SESN2: variants seen among roughly 807,000 people sequenced by gnomAD.
SESN2 encodes sestrin-2.
A neutral mutation model predicts 56.0 loss-of-function variants in SESN2; 42 were observed. That is an observed-to-expected ratio of 0.75 (90% CI 0.59 to 0.97). The LOEUF (loss-of-function observed/expected upper bound fraction) is 0.97, where lower values mean the gene tolerates loss of function less well. Among genes scored for constraint, SESN2 ranks in the 50% least tolerant of loss-of-function variants. The probability of loss-of-function intolerance (pLI) is 0.00; values close to 1 mark genes in which losing one functional copy is unlikely to be tolerated. For missense variants in SESN2, 507 were observed against 649.4 expected (o/e 0.78, Z 2.38); for synonymous variants, 264 against 267.1 (o/e 0.99, Z 0.11).
chr1:28,279,363 G>GCCTATTCCTCTGGATTGAAGT (rs1648157304), intron 9 of SESN2, 122 bp downstream of exon 9: 1 of 938,348 alleles, frequency 1.1e-6, no homozygotes, highest in Non-Finnish European at 1.6e-6. Flanking sequence ...GGACACCTGG[G>GCCTATTCCTCTGGATTGAAGT]CCTATTCCTC....
At chr1:28,272,891 C>G in intron 5 of SESN2, 98 bp downstream of exon 5, 1 of 670,590 alleles carries the variant, frequency 1.5e-6, no homozygotes, top group Non-Finnish European at 2.6e-6. Flanking sequence ...TCTGCACTAC[C>G]TGCTGCTATG....
intron 2 of SESN2, among the ~76,000 whole-genome samples, chr1:28,269,825 A>G (rs1647695037): frequency 1.3e-5 from 2 of 152,222 alleles, no homozygotes; most frequent in Non-Finnish European, 2.9e-5. Context: ...GACATCTTTC[A>G]TCTACTGAGT....
At chr1:28,261,969 CAG>C (rs1647389240) in intron 1 of SESN2, among the ~76,000 whole-genome samples, 3 of 152,140 alleles carry the variant, frequency 2.0e-5, no homozygotes, top group African/African-American at 4.8e-5. Flanking sequence ...TCAGTAGAAA[CAG>C]AGTTTCAGCA....
intron 1 of SESN2, among the ~76,000 whole-genome samples, chr1:28,261,450 T>G (rs1647372588): frequency 1.3e-5 from 2 of 152,230 alleles, no homozygotes; most frequent in Admixed American, 1.3e-4. Flanking sequence ...CTGTGGTTTC[T>G]TCCCATGGGG....
intron 2 of SESN2, 79 bp from the exon 3 acceptor site, chr1:28,271,595 C>T (rs1316288709): frequency 8.8e-7 from 1 of 1,137,110 alleles, no homozygotes. Flanking sequence ...CCATTAAAAA[C>T]CCACTGGAAG....
At chr1:28,264,063 TAAA>T (rs747016677) in intron 1 of SESN2, among the ~76,000 whole-genome samples, 6 of 107,732 alleles carry the variant, frequency 5.6e-5, no homozygotes, top group South Asian at 6.0e-4. Flanking sequence ...CATCTCTATT[TAAA>T]AAAAAAAAAA....
At chr1:28,277,531 A>G (rs1648094801) in intron 8 of SESN2, among the ~76,000 whole-genome samples, 1 of 151,976 alleles carries the variant, frequency 6.6e-6, no homozygotes, top group Non-Finnish European at 1.5e-5. Context: ...CTTTTTTTCT[A>G]TGCACAAGTA....
rs780469256 is a variant in SESN2, at chr1:28,279,269, G to A, written c.1356+28G>A. 1.9e-6 allele frequency: 3 copies of A among 1,612,962 alleles called. No homozygotes were observed. In the South Asian group the frequency reaches 3.3e-5, roughly 18 times the overall value. On this transcript the variant is annotated intron_variant, in intron 9 of 9. Coordinates refer to ENST00000253063, the MANE Select transcript of SESN2 (RefSeq NM_031459.5). ...ATGACCTATACAGGCAGGGCAGGAT[G>A]GAAGTAGACAGGCCAAGCCAGTGGA...
At chr1:28,274,734 G>A in intron 7 of SESN2, 91 bp from the exon 8 acceptor site, 1 of 1,007,184 alleles carries the variant, frequency 9.9e-7, no homozygotes, top group South Asian at 1.5e-5. Context: ...CCAGGAAGGA[G>A]AATCATGGAG....
In SESN2 at chr1:28,280,766, G is replaced by T. The variant is rs201438239; in HGVS notation, c.1407G>T (p.Leu469=). ...LLEARMQAAL[L]YALRAITRYM... Reference sequence around the variant, plus strand: ...AGGCGCGCATGCAAGCCGCTCTGCTGTACGCCCTCCGTGCCATCACCCGCT... The same window carrying T: ...AGGCGCGCATGCAAGCCGCTCTGCTTTACGCCCTCCGTGCCATCACCCGCT... The change falls in exon 10 of 10, where the codon CTG becomes CTT. Residue 469 remains leucine, a synonymous_variant. Coordinates refer to ENST00000253063, the MANE Select transcript of SESN2 (RefSeq NM_031459.5). The T allele has an allele frequency of 3.7e-6, 6 of 1,613,700 alleles. No individual in the cohort carries two copies. The highest frequency in any genetic ancestry group is 1.1e-5 in the South Asian group (1 of 91,086).
intron 8 of SESN2, among the ~76,000 whole-genome samples, chr1:28,278,623 T>A (rs1444794398): frequency 6.6e-6 from 1 of 152,208 alleles, no homozygotes; most frequent in Admixed American, 6.5e-5. Flanking sequence ...CTAAGCTTTC[T>A]GCAACTCTGA....
At chr1:28,270,291 C>G (rs370812895) in intron 2 of SESN2, among the ~76,000 whole-genome samples, 3 of 150,798 alleles carry the variant, frequency 2.0e-5, no homozygotes, top group African/African-American at 7.3e-5. Flanking sequence ...GCGGAGCTTG[C>G]AGTGAGCCGA....
intron 1 of SESN2, among the ~76,000 whole-genome samples, chr1:28,266,556 CTT>C (rs71586835): frequency 5.8e-4 from 68 of 116,980 alleles, no homozygotes; most frequent in African/African-American, 1.5e-3. Flanking sequence ...AGAGCCCCAT[CTT>C]TTTTTTTTTT....
In SESN2 at chr1:28,271,670, GC is replaced by G. The variant is rs1557733150; in HGVS notation, c.157-3del. 3 of 1,613,656 alleles carry G rather than the reference GC, an allele frequency of 1.9e-6. No homozygotes were observed. The highest frequency in any genetic ancestry group is 2.5e-6 in the Non-Finnish European group (3 of 1,179,656). The stretch of plus-strand genomic sequence containing the variant: ...CCCATGCTCTCCTCCCCTTTGGTTG[GC>G]AGGTCCTTCGGGAGGGGGCTGAGAG... On this transcript the variant is annotated splice_polypyrimidine_tract_variant and splice_region_variant and intron_variant, in intron 2 of 9. Transcript: ENST00000253063.
Position 28,259,780 on chromosome 1 carries a change from G to A in SESN2, c.-68G>A. The stretch of plus-strand genomic sequence containing the variant: ...GGCGCCCAGTCCCGGCTTCATTCGG[G>A]CGTCCCTCCGAAACCCACTCGGGTG... On this transcript the variant is annotated 5_prime_UTR_variant, in exon 1 of 10. Transcript: ENST00000253063. 2 of 1,211,506 alleles carry A rather than the reference G, an allele frequency of 1.7e-6. No homozygotes were observed. Among genetic ancestry groups the A allele is most frequent in the Non-Finnish European group, 2.2e-6 (2 of 926,702 alleles). 75.0% of individuals were successfully genotyped at this position (1,211,506 alleles called of 1,614,324 possible). A position where few individuals can be genotyped will look rare whatever the true frequency, so the allele number is the denominator to read the frequency against.
At chr1:28,280,378 T>G (rs1648190976) in intron 9 of SESN2, among the ~76,000 whole-genome samples, 1 of 152,236 alleles carries the variant, frequency 6.6e-6, no homozygotes, top group African/African-American at 2.4e-5. Flanking sequence ...AGCTAACTTT[T>G]TGTATTTTTA....
intron 9 of SESN2, among the ~76,000 whole-genome samples, chr1:28,280,103 T>G (rs1648182724): frequency 6.6e-6 from 1 of 151,950 alleles, no homozygotes; most frequent in Non-Finnish European, 1.5e-5. Flanking sequence ...CTCTCAAAGT[T>G]TTTTGTTTTT....
intron 8 of SESN2, among the ~76,000 whole-genome samples, chr1:28,275,895 A>C (rs1572097884): frequency 6.6e-6 from 1 of 152,198 alleles, no homozygotes; most frequent in East Asian, 1.9e-4. Flanking sequence ...TCTCTACAAA[A>C]AATTAAAAAA....
intron 9 of SESN2, among the ~76,000 whole-genome samples, chr1:28,279,837 T>G (rs1209977374): frequency 2.0e-5 from 3 of 151,542 alleles, no homozygotes; most frequent in African/African-American, 7.3e-5. Context: ...TCATCGTGCC[T>G]GGCCTCTCTG....
Sources: allele counts gnomAD v4.1 joint callset (sites outside exome capture counted in the v4.1 genomes callset), GRCh38; gene constraint gnomAD v4.1.1; transcripts MANE v1.5; gene names NCBI Gene and HGNC (gene_info 2026-07-23, HGNC 2026-07-21).